DAB2: variants seen among roughly 807,000 people sequenced by gnomAD.
DAB2 encodes the protein disabled homolog 2.
DAB2 carries 28 observed loss-of-function variants against 71.6 expected under a neutral mutation model. The observed-to-expected ratio is 0.39, with a 90% CI of 0.29 to 0.54. The LOEUF (loss-of-function observed/expected upper bound fraction) is 0.54. Ranked by LOEUF, DAB2 falls within the 20% of genes least tolerant of loss-of-function variation. The probability of loss-of-function intolerance (pLI) is 0.68; values close to 1 mark genes in which losing one functional copy is unlikely to be tolerated. For synonymous variants in DAB2, 345 were observed against 339.7 expected, an observed-to-expected ratio of 1.02 and a Z score of -0.17; for missense variants, 867 against 928.8, an observed-to-expected ratio of 0.93 and a Z score of 0.86.
At chr5:39,418,122 T>G (rs1755892337) in intron 1 of DAB2, 1 of 152,206 alleles carries the variant, frequency 6.6e-6, no homozygotes, top group Admixed American at 6.5e-5. Flanking sequence ...AACCTAATGC[T>G]GATATAACTA....
At chr5:39,384,693 T>C (rs762026852) in intron 9 of DAB2, among the ~76,000 whole-genome samples, 1 of 152,146 alleles carries the variant, frequency 6.6e-6, no homozygotes, top group Non-Finnish European at 1.5e-5. Flanking sequence ...CATGTCTTTA[T>C]TCCAGTAAAA....
intron 1 of DAB2, chr5:39,423,977 G>A (rs1181127296): frequency 6.6e-6 from 1 of 152,098 alleles, no homozygotes; most frequent in Non-Finnish European, 1.5e-5. Flanking sequence ...TAATCCAGTT[G>A]AATTTCCCTT....
At chr5:39,395,119 T>C (rs1260454599) in intron 1 of DAB2, among the ~76,000 whole-genome samples, 1 of 152,202 alleles carries the variant, frequency 6.6e-6, no homozygotes, top group African/African-American at 2.4e-5. Context: ...TCACAACCTC[T>C]GCCCTACCCA....
chr5:39,376,761 A>G lies in DAB2; in HGVS notation c.2026T>C (p.Ser676Pro). Reference sequence around the variant, plus strand: ...CTGGCAAAGGCACTCAAAGTCCCAGAAGAAGTCTGCTCTCCCTTCCGCGCG... The same window carrying G: ...CTGGCAAAGGCACTCAAAGTCCCAGGAGAAGTCTGCTCTCCCTTCCGCGCG... ...VPARKGEQTS[S>P]GTLSAFASYF... Residue 676 changes from serine (S) to proline (P), a missense_variant, in exon 12 of 15, where the codon TCT (serine) becomes CCT (proline). Around this residue, in one of 2 missense-constraint regions of DAB2, gnomAD observed 740 missense variants for 734.3 expected, o/e 1.01. Transcript: ENST00000320816. 1 of 1,614,138 alleles carries G rather than the reference A, an allele frequency of 6.2e-7. No homozygotes were observed. Among genetic ancestry groups the G allele is most frequent in the Non-Finnish European group, 8.5e-7 (1 of 1,180,026 alleles).
chr5:39,418,863 C>T (rs78186431), intron 1 of DAB2, among the ~76,000 whole-genome samples: 3,117 of 152,168 alleles, frequency 0.02, 116 homozygotes, highest in African/African-American at 0.071. Context: ...CAGAAGCAGC[C>T]GCAGGAGTTC....
chr5:39,394,129 G>C, intron 2 of DAB2, 101 bp downstream of exon 2: 1 of 930,708 alleles, frequency 1.1e-6, no homozygotes, highest in Non-Finnish European at 1.7e-6. Flanking sequence ...TGAGGTTGAA[G>C]GAAGATCAGA....
rs1222891238 is a variant in DAB2 at position 39,382,815 on chromosome 5, A to T, written c.1144T>A (p.Ser382Thr). ...QPAVRTQNGV[S>T]EREQNGFSVK... Reference sequence around the variant, plus strand: ...GAGAAGCCGTTCTGTTCTCTTTCAGATACCCCATTTTGAGTTCTCACTGCT... The same window carrying T: ...GAGAAGCCGTTCTGTTCTCTTTCAGTTACCCCATTTTGAGTTCTCACTGCT... The change falls in exon 10 of 15, where the codon TCT becomes ACT. Residue 382 changes from serine (S) to threonine (T), a missense_variant. Ser to Thr is a moderately conservative substitution (Grantham distance 58). Coordinates refer to ENST00000320816, the MANE Select transcript of DAB2 (RefSeq NM_001343.4). The T allele has an allele frequency of 6.2e-7, 1 of 1,614,162 alleles. No individual in the cohort carries two copies.
At chr5:39,400,159 A>G (rs1288381879) in intron 1 of DAB2, among the ~76,000 whole-genome samples, 1 of 152,188 alleles carries the variant, frequency 6.6e-6, no homozygotes, top group Non-Finnish European at 1.5e-5. Context: ...ATTAAGGGGA[A>G]TGGGACAAAC....
At chr5:39,391,979 A>AT (rs1345178943) in intron 4 of DAB2, among the ~76,000 whole-genome samples, 130 of 143,746 alleles carry the variant, frequency 9.0e-4, no homozygotes, top group African/African-American at 3.1e-3. Context: ...AAAAAAAAAA[A>AT]AAATATATAT....
rs74874126 is a variant in DAB2, at chr5:39,387,507, T to A, written c.687+798A>T. 6.9e-3 allele frequency among the ~76,000 whole-genome samples: 1,054 copies of A among 152,282 alleles called. 2 individuals are homozygous for A. The highest frequency in any genetic ancestry group is 0.01 in the Non-Finnish European group (697 of 67,998). Reference sequence around the variant, plus strand: ...CCGGAGAGTAAATTCCATGATGTCATTGATGTTGTGCATCTTACTGCTATG... The same window carrying A: ...CCGGAGAGTAAATTCCATGATGTCAATGATGTTGTGCATCTTACTGCTATG... On this transcript the variant is annotated intron_variant, in intron 9 of 14. Transcript: ENST00000320816.
intron 1 of DAB2, among the ~76,000 whole-genome samples, chr5:39,416,939 A>T (rs1308777867): frequency 6.6e-6 from 1 of 152,154 alleles, no homozygotes; most frequent in Non-Finnish European, 1.5e-5. Context: ...TGATTTTTGA[A>T]GAAATATAGG....
chr5:39,415,894 C>T (rs1039714087), intron 1 of DAB2, among the ~76,000 whole-genome samples: 13 of 152,112 alleles, frequency 8.5e-5, no homozygotes, highest in Non-Finnish European at 1.5e-4. Flanking sequence ...GAATGTACTT[C>T]GTATGCAGAT....
chr5:39,400,698 A>C (rs1755478025), intron 1 of DAB2, among the ~76,000 whole-genome samples: 1 of 152,286 alleles, frequency 6.6e-6, no homozygotes, highest in East Asian at 1.9e-4. Flanking sequence ...TGGATTTTAT[A>C]AGCTACTTTC....
intron 11 of DAB2, among the ~76,000 whole-genome samples, chr5:39,377,803 C>A (rs181786957): frequency 6.6e-6 from 1 of 152,308 alleles, no homozygotes; most frequent in Admixed American, 6.5e-5. Context: ...CCAGCAATCA[C>A]ACATGTGCAC....
At chr5:39,376,237 C>T in intron 12 of DAB2, 131 bp from the exon 13 acceptor site, 1 of 662,414 alleles carries the variant, frequency 1.5e-6, no homozygotes, top group Non-Finnish European at 2.6e-6. Context: ...AAAATCAACA[C>T]CAAATACTAG....
At chr5:39,398,771 C>T (rs1048190945) in intron 1 of DAB2, among the ~76,000 whole-genome samples, 1 of 152,142 alleles carries the variant, frequency 6.6e-6, no homozygotes, top group African/African-American at 2.4e-5. Context: ...TCACATTTCT[C>T]CCAAGGTTTA....
Position 39,389,183 on chromosome 5 carries a change from C to T in DAB2, c.544-60G>A, listed in dbSNP as rs143675397. 742 of 1,359,554 alleles carry T rather than the reference C, an allele frequency of 5.5e-4. 6 individuals are homozygous for T. The highest frequency in any genetic ancestry group is 5.9e-5 in the Non-Finnish European group (56 of 954,830). 84.2% of individuals were successfully genotyped at this position (1,359,554 alleles called of 1,614,324 possible). On this transcript the variant is annotated intron_variant, in intron 6 of 14. Coordinates refer to ENST00000320816, the MANE Select transcript of DAB2 (RefSeq NM_001343.4). Reference sequence around the variant, plus strand: ...ATTCATAGTGAAAGGGAGTTAAATACACAAACAAGTATGCCTATGGTTCAC... The same window carrying T: ...ATTCATAGTGAAAGGGAGTTAAATATACAAACAAGTATGCCTATGGTTCAC...
At chr5:39,376,548 G>A (rs1754835445) in intron 12 of DAB2, 102 bp downstream of exon 12, 1 of 1,350,560 alleles carries the variant, frequency 7.4e-7, no homozygotes, top group East Asian at 2.3e-5. Context: ...CAAGAGCAAA[G>A]CTGTTGGCGG....
intron 1 of DAB2, among the ~76,000 whole-genome samples, chr5:39,399,985 A>G (rs1397328194): frequency 6.6e-6 from 1 of 152,132 alleles, no homozygotes; most frequent in African/African-American, 2.4e-5. Context: ...TACAAGTGTC[A>G]ACCATCCTCC....
Sources: allele counts gnomAD v4.1 joint callset (sites outside exome capture counted in the v4.1 genomes callset), GRCh38; gene constraint gnomAD v4.1.1; regional missense constraint gnomAD v4.1.1; transcripts MANE v1.5; gene names NCBI Gene and HGNC (gene_info 2026-07-23, HGNC 2026-07-21).